The following MICU2 variants were observed in gnomAD, a reference collection of about 807,000 sequenced individuals.
MICU2 encodes calcium uptake protein 2, mitochondrial.
MICU2 carries 64 observed loss-of-function variants against 60.4 expected under a neutral mutation model. The observed-to-expected ratio is 1.06, with a 90% CI of 0.87 to 1.31. The LOEUF is 1.31. Ranked by LOEUF, MICU2 falls within the 50% of genes most tolerant of loss-of-function variation. The probability of loss-of-function intolerance (pLI) is 0.00; values close to 1 mark genes in which losing one functional copy is unlikely to be tolerated. For missense variants in MICU2, 569 were observed against 531.0 expected, an observed-to-expected ratio of 1.07 and a Z score of -0.70; for synonymous variants, 201 against 175.0, an observed-to-expected ratio of 1.15 and a Z score of -1.17.
At chr13:21,504,705 T>G (rs563707311) in intron 8 of MICU2, among the ~76,000 whole-genome samples, 2 of 152,310 alleles carry the variant, frequency 1.3e-5, no homozygotes, top group South Asian at 4.1e-4. Context: ...GGGAGAGATC[T>G]GTTTTTCCTT....
chr13:21,561,433 T>C (rs1887837724), intron 2 of MICU2, among the ~76,000 whole-genome samples: 1 of 152,188 alleles, frequency 6.6e-6, no homozygotes, highest in Admixed American at 6.5e-5. Context: ...AACACATCTG[T>C]TTCTCCTTGC....
intron 4 of MICU2, among the ~76,000 whole-genome samples, chr13:21,527,033 T>A (rs771466916): frequency 6.6e-6 from 1 of 152,234 alleles, no homozygotes; most frequent in African/African-American, 2.4e-5. Context: ...ATTTTAAATG[T>A]TTTCAATGGC....
At position 21,597,263 on chromosome 13, in the gene MICU2, T is replaced by A. The variant is rs1649899162; in HGVS notation, c.210+6676A>T. On this transcript the variant is annotated intron_variant, in intron 1 of 11. Coordinates refer to ENST00000382374, the MANE Select transcript of MICU2 (RefSeq NM_152726.3). The stretch of plus-strand genomic sequence containing the variant: ...ACTGCACCTACTATGTGCCAGACTT[T>A]TTTCTAGGCCCTTGGGACATAGCAG... Among the ~76,000 whole-genome samples the A allele has an allele frequency of 2.6e-5, 4 of 152,220 alleles. No individual in the cohort carries two copies. The South Asian group carries it at 8.3e-4, about 31-fold the overall frequency.
chr13:21,564,684 A>G (rs1310617024), intron 2 of MICU2, among the ~76,000 whole-genome samples: 1 of 152,230 alleles, frequency 6.6e-6, no homozygotes, highest in South Asian at 2.1e-4. Flanking sequence ...CTCCAGTAAA[A>G]AAGTTTCCTT....
At chr13:21,566,697 A>G (rs1397338981) in intron 2 of MICU2, 100 bp downstream of exon 2, 2 of 988,814 alleles carry the variant, frequency 2.0e-6, no homozygotes, top group East Asian at 2.6e-5. Context: ...TACAAAGATG[A>G]TAATTAAAAT....
At chr13:21,551,653 G>A (rs1402884543) in intron 2 of MICU2, among the ~76,000 whole-genome samples, 2 of 138,262 alleles carry the variant, frequency 1.4e-5, no homozygotes, top group Non-Finnish European at 3.0e-5. Context: ...TGTTCTCACT[G>A]TTCAATTCCC....
chr13:21,570,166 A>G (rs1267025510), intron 1 of MICU2, among the ~76,000 whole-genome samples: 1 of 152,180 alleles, frequency 6.6e-6, no homozygotes, highest in Non-Finnish European at 1.5e-5. Context: ...GATGCACTGA[A>G]TGTGTTTCTT....
intron 1 of MICU2, among the ~76,000 whole-genome samples, chr13:21,600,537 G>C (rs1054992152): frequency 3.9e-5 from 6 of 152,096 alleles, no homozygotes; most frequent in African/African-American, 1.4e-4. Context: ...TCTAATCCCT[G>C]CTCCTGGCAT....
chr13:21,525,181 A>ATTT (rs71093324), intron 4 of MICU2, among the ~76,000 whole-genome samples: 1,982 of 83,292 alleles, frequency 0.024, 297 homozygotes, highest in African/African-American at 0.035. Flanking sequence ...GTGTAATTCA[A>ATTT]TTTTTTTTTT....
intron 4 of MICU2, among the ~76,000 whole-genome samples, chr13:21,534,212 CT>C (rs10587307): frequency 0.014 from 2,118 of 147,246 alleles, 28 homozygotes; most frequent in African/African-American, 0.044. Context: ...TTTTCCTTTC[CT>C]TTTTTTTTTT....
intron 1 of MICU2, among the ~76,000 whole-genome samples, chr13:21,578,799 A>G (rs1169886195): frequency 6.6e-6 from 1 of 152,156 alleles, no homozygotes; most frequent in African/African-American, 2.4e-5. Flanking sequence ...ATTGCTAATT[A>G]CTTTAGATTT....
chr13:21,570,416 C>T (rs1480406816), intron 1 of MICU2, among the ~76,000 whole-genome samples: 1 of 152,134 alleles, frequency 6.6e-6, no homozygotes, highest in Non-Finnish European at 1.5e-5. Context: ...ACCTTTTATT[C>T]ATCTGTCAGG....
At chr13:21,517,770 GACACAC>G (rs374373614) in intron 6 of MICU2, among the ~76,000 whole-genome samples, 103 of 144,592 alleles carry the variant, frequency 7.1e-4, no homozygotes, top group South Asian at 1.3e-3. Flanking sequence ...ACAGAGCGAG[GACACAC>G]ACACACACAC....
At chr13:21,525,590 T>C (rs1423425145) in intron 4 of MICU2, among the ~76,000 whole-genome samples, 1 of 151,932 alleles carries the variant, frequency 6.6e-6, no homozygotes, top group East Asian at 1.9e-4. Flanking sequence ...ACGCTTGTAT[T>C]TTCTTTTTTT....
chr13:21,495,034 A>AT (rs1357286487), intron 11 of MICU2, 127 bp downstream of exon 11: 7 of 600,168 alleles, frequency 1.2e-5, no homozygotes, highest in Non-Finnish European at 1.3e-5. Flanking sequence ...CTGTATTTCA[A>AT]TTACAGCTTA....
chr13:21,576,313 A>G lies in MICU2; in HGVS notation c.211-9369T>C, dbSNP rs148682713. ...GAGAAGTAGATGCAGAGCAGTAACA[A>G]GGAACTTCTGTGATATAAGCTCTAA... is the stretch of plus-strand genomic sequence containing the variant. On this transcript the variant is annotated intron_variant, in intron 1 of 11. Transcript: ENST00000382374. 5.0e-3 allele frequency among the ~76,000 whole-genome samples: 763 copies of G among 152,278 alleles called. 7 individuals carry two copies. The highest frequency in any genetic ancestry group is 0.017 in the African/African-American group (707 of 41,550).
chr13:21,556,563 A>G (rs896987328), intron 2 of MICU2, among the ~76,000 whole-genome samples: 4 of 152,156 alleles, frequency 2.6e-5, no homozygotes, highest in African/African-American at 9.6e-5. Context: ...ACATGAGACT[A>G]TTTGGAAGTT....
intron 2 of MICU2, among the ~76,000 whole-genome samples, chr13:21,545,607 G>A (rs1045396665): frequency 2.6e-5 from 4 of 151,840 alleles, no homozygotes; most frequent in Non-Finnish European, 5.9e-5. Flanking sequence ...CTTGAGCCTG[G>A]AAGGCAGAGG....
chr13:21,563,680 T>C (rs924954503), intron 2 of MICU2, among the ~76,000 whole-genome samples: 2 of 152,176 alleles, frequency 1.3e-5, no homozygotes, highest in Non-Finnish European at 2.9e-5. Flanking sequence ...CTCACAGTTT[T>C]TGAATATTCT....
Sources: allele counts gnomAD v4.1 joint callset (sites outside exome capture counted in the v4.1 genomes callset), GRCh38; gene constraint gnomAD v4.1.1; transcripts MANE v1.5; gene names NCBI Gene and HGNC (gene_info 2026-07-23, HGNC 2026-07-21).